ANKRD36C: variants seen among roughly 807,000 people sequenced by gnomAD.
ANKRD36C encodes the protein ankyrin repeat domain-containing protein 36C.
In ANKRD36C, 61 loss-of-function variants were observed where a neutral mutation model predicts 276.4. The observed-to-expected ratio is 0.22, with a 90% confidence interval of 0.18 to 0.27. The LOEUF (loss-of-function observed/expected upper bound fraction) is 0.27. Ranked by LOEUF, ANKRD36C falls within the 10% of genes least tolerant of loss-of-function variation. The pLI, the probability that ANKRD36C is intolerant of heterozygous loss-of-function variation, is 1.00. For synonymous variants in ANKRD36C, 483 were observed against 680.1 expected (o/e 0.71, Z 4.51); for missense variants, 1,447 against 2,032.3 (o/e 0.71, Z 5.54).
intron 40 of ANKRD36C, among the ~76,000 whole-genome samples, chr2:95,913,005 T>C (rs554694122): frequency 6.6e-6 from 1 of 150,934 alleles, no homozygotes; most frequent in African/African-American, 2.4e-5. Context: ...ATAATATTCA[T>C]TATCTCTCAC....
intron 20 of ANKRD36C, among the ~76,000 whole-genome samples, chr2:95,939,749 G>A: frequency 6.6e-6 from 1 of 152,306 alleles, no homozygotes; most frequent in Non-Finnish European, 1.5e-5. Context: ...CGCTTCTGCT[G>A]GCAGGAAGTG....
At position 95,897,187 on chromosome 2, in the gene ANKRD36C, G is replaced by A. The variant is rs1200673903; in HGVS notation, c.2755+1958C>T. The A allele has an allele frequency of 3.1e-5, 36 of 1,147,610 alleles. No homozygotes were observed. The East Asian group carries it at 7.9e-4, about 25-fold the overall frequency. The allele number at this position is 1,147,610 out of a possible 1,614,324, so 71.1% of individuals were successfully genotyped here. ...CTGAATCAGAATGTGCAGCTTCAAC[G>A]AGCCCCCCGCTGATTTATTCACGGA... On this transcript the variant is annotated intron_variant, in intron 44 of 66. Transcript: ENST00000456556.
intron 30 of ANKRD36C, 27 bp downstream of exon 30, chr2:95,925,325 G>C (rs942080869): frequency 4.5e-6 from 7 of 1,563,524 alleles, no homozygotes; most frequent in Middle Eastern, 2.3e-4. Context: ...GAGTGCACAT[G>C]ACATTAAATG....
intron 3 of ANKRD36C, among the ~76,000 whole-genome samples, chr2:95,983,473 T>C (rs1412976476): frequency 6.6e-6 from 1 of 151,768 alleles, no homozygotes. Context: ...TTTTTTATTT[T>C]AGGTAAAATA....
At chr2:95,912,134 G>A (rs1258781176) in intron 42 of ANKRD36C, 110 bp downstream of exon 44, 2 of 1,427,104 alleles carry the variant, frequency 1.4e-6, no homozygotes, top group African/African-American at 1.4e-5. Context: ...AGAATCTCAG[G>A]CCTGCTGAAT....
chr2:95,954,027 C>G (rs1432345384), intron 13 of ANKRD36C, 22 bp from the exon 14 acceptor site: 21 of 1,532,126 alleles, frequency 1.4e-5, no homozygotes, highest in Non-Finnish European at 1.8e-5. Context: ...AAAGATACAG[C>G]AAAAATGAGC....
intron 60 of ANKRD36C, among the ~76,000 whole-genome samples, chr2:95,863,224 A>G (rs982154500): frequency 6.6e-6 from 1 of 152,084 alleles, no homozygotes; most frequent in African/African-American, 2.4e-5. Flanking sequence ...ATGTAAGTAA[A>G]CAGGACAACT....
At position 95,931,849 on chromosome 2, in the gene ANKRD36C, T is replaced by TAAACACAC. The variant is rs906940562; in HGVS notation, c.1736-2583_1736-2582insGTGTGTTT. Reference sequence around the variant, plus strand: ...CAGAAGAGAAAAAAATACACACACATACACACACACACACACACATTCACA... The same window carrying TAAACACAC: ...CAGAAGAGAAAAAAATACACACACATAAACACACACACACACACACACACACATTCACA... On this transcript the variant is annotated intron_variant, in intron 24 of 66. Coordinates refer to ENST00000456556, the Ensembl canonical transcript of ANKRD36C. Among the ~76,000 whole-genome samples, 37 of 111,598 alleles carry TAAACACAC rather than the reference T, an allele frequency of 3.3e-4. 1 individual carries two copies. Among genetic ancestry groups the TAAACACAC allele is most frequent in the Non-Finnish European group, 4.4e-4 (21 of 47,764 alleles). 73.2% of individuals were successfully genotyped at this position (111,598 alleles called of 152,430 possible). A position where few individuals can be genotyped will look rare whatever the true frequency, so the allele number is the denominator to read the frequency against.
chr2:95,910,626 A>G lies in ANKRD36C; in HGVS notation c.2653+1618T>C. 1.9e-6 allele frequency: 3 copies of G among 1,599,902 alleles called. No homozygotes were observed. The South Asian group carries it at 3.3e-5, about 18-fold the overall frequency. ...ATGTAAATATGACAAAGATATCCAT[A>G]CATTCATGCAGCGTTAGCATCAAAC... On this transcript the variant is annotated intron_variant, in intron 42 of 66. Transcript: ENST00000456556.
intron 44 of ANKRD36C, among the ~76,000 whole-genome samples, chr2:95,894,059 T>G (rs976573921): frequency 2.6e-5 from 4 of 151,470 alleles, no homozygotes; most frequent in Non-Finnish European, 1.5e-5. Flanking sequence ...CACCTGAGAA[T>G]CAATGTCAAA....
intron 42 of ANKRD36C, among the ~76,000 whole-genome samples, chr2:95,907,912 G>C (rs890688309): frequency 7.4e-5 from 11 of 148,996 alleles, no homozygotes; most frequent in Admixed American, 1.3e-4. Context: ...GTAGTTCCTG[G>C]AGCAGCCAAA....
At chr2:95,961,655 C>T (rs1384143530) in intron 8 of ANKRD36C, among the ~76,000 whole-genome samples, 2 of 150,562 alleles carry the variant, frequency 1.3e-5, no homozygotes, top group East Asian at 3.9e-4. Context: ...ATAGCTAATA[C>T]CAACAAAACA....
chr2:95,969,822 TTA>T (rs1678663853), intron 6 of ANKRD36C, among the ~76,000 whole-genome samples: 1 of 152,178 alleles, frequency 6.6e-6, no homozygotes, highest in African/African-American at 2.4e-5. Flanking sequence ...CACATAACTT[TTA>T]TTACAGTATA....
chr2:95,889,383 C>A (rs1263203310), intron 48 of ANKRD36C, among the ~76,000 whole-genome samples: 1 of 151,560 alleles, frequency 6.6e-6, no homozygotes, highest in African/African-American at 2.4e-5. Flanking sequence ...GCTCTTGTTA[C>A]TTCTCATTCT....
intron 42 of ANKRD36C, among the ~76,000 whole-genome samples, chr2:95,901,941 A>G (rs1676664694): frequency 6.7e-6 from 1 of 149,378 alleles, no homozygotes; most frequent in African/African-American, 2.5e-5. Flanking sequence ...ACAAAGTCAA[A>G]TGGCTACAAG....
intron 38 of ANKRD36C, 145 bp downstream of exon 40, chr2:95,915,835 T>C (rs1314079921): frequency 1.7e-6 from 2 of 1,202,152 alleles, no homozygotes; most frequent in African/African-American, 3.1e-5. Flanking sequence ...AGCAACAGCG[T>C]AACCCAAGAA....
chr2:95,952,764 T>G (rs1025963720), intron 14 of ANKRD36C, among the ~76,000 whole-genome samples: 4 of 152,298 alleles, frequency 2.6e-5, no homozygotes, highest in African/African-American at 7.2e-5. Context: ...AGATATGTCA[T>G]GCATATTAGG....
At chr2:95,922,346 A>T (rs142699738) in intron 32 of ANKRD36C, among the ~76,000 whole-genome samples, 4,075 of 151,652 alleles carry the variant, frequency 0.027, 181 homozygotes, top group African/African-American at 0.094. Flanking sequence ...CAGCTTGGAT[A>T]TATGTTTCCT....
intron 24 of ANKRD36C, among the ~76,000 whole-genome samples, chr2:95,930,274 T>C (rs1194559532): frequency 6.6e-6 from 1 of 151,490 alleles, no homozygotes; most frequent in African/African-American, 2.4e-5. Context: ...TGGTGCCCAA[T>C]GGTAACAAAG....
Sources: gnomAD v4.1 joint callset for allele counts (sites outside exome capture counted in the v4.1 genomes callset) on GRCh38, gnomAD v4.1.1 for gene constraint, MANE v1.5 for transcripts, NCBI Gene and HGNC (gene_info 2026-07-23, HGNC 2026-07-21) for gene names.